The following ASB4 variants were observed in gnomAD, a reference collection of about 807,000 sequenced individuals.
ASB4 encodes the protein ankyrin repeat and SOCS box protein 4.
Under a neutral mutation model 38.6 loss-of-function variants are expected in ASB4, and 35 were observed. The ratio of observed to expected loss-of-function variants is 0.91; its 90% CI spans 0.69 to 1.20. The LOEUF is 1.20. ASB4 is among the 50% of genes most tolerant of loss of function. The pLI, the probability that ASB4 is intolerant of heterozygous loss-of-function variation, is 0.00. For synonymous variants in ASB4, 195 were observed against 201.3 expected (o/e 0.97, Z 0.26); for missense variants, 557 against 527.2 (o/e 1.06, Z -0.55).
intron 2 of ASB4, among the ~76,000 whole-genome samples, chr7:95,513,293 ATGT>A (rs1790510730): frequency 1.1e-5 from 1 of 89,190 alleles, no homozygotes; most frequent in Non-Finnish European, 2.1e-5. Flanking sequence ...AGCCAATAGA[ATGT>A]GTGTGTGTGT....
chr7:95,487,676 T>C (rs1790111573), intron 1 of ASB4, among the ~76,000 whole-genome samples: 1 of 152,202 alleles, frequency 6.6e-6, no homozygotes. Flanking sequence ...AAATACATTT[T>C]AAATTCTTCT....
intron 1 of ASB4, among the ~76,000 whole-genome samples, chr7:95,489,629 A>G (rs1790141917): frequency 6.6e-6 from 1 of 152,240 alleles, no homozygotes. Context: ...TGGCGGAGAT[A>G]ATGGGTCTTA....
chr7:95,535,563 G>A (rs1440958686), intron 3 of ASB4, among the ~76,000 whole-genome samples: 2 of 152,190 alleles, frequency 1.3e-5, no homozygotes, highest in Non-Finnish European at 2.9e-5. Flanking sequence ...AGTCAGGAAT[G>A]CCTTTTACTG....
At chr7:95,505,713 TC>T (rs1458497879) in intron 2 of ASB4, among the ~76,000 whole-genome samples, 8 of 134,640 alleles carry the variant, frequency 5.9e-5, no homozygotes, top group African/African-American at 2.1e-4. Flanking sequence ...ACTTATTCAT[TC>T]CCTGTCCCTT....
intron 3 of ASB4, among the ~76,000 whole-genome samples, chr7:95,531,129 G>A (rs1413464859): frequency 6.6e-6 from 1 of 152,206 alleles, no homozygotes; most frequent in African/African-American, 2.4e-5. Flanking sequence ...AAGCTCAGAG[G>A]ATGGTGCCAA....
At chr7:95,503,179 T>A (rs1790364483) in intron 2 of ASB4, among the ~76,000 whole-genome samples, 1 of 152,194 alleles carries the variant, frequency 6.6e-6, no homozygotes, top group Non-Finnish European at 1.5e-5. Context: ...TTATTTTAGA[T>A]CCTTGCTGCT....
At chr7:95,496,381 A>G (rs991856318) in intron 2 of ASB4, among the ~76,000 whole-genome samples, 28 of 152,218 alleles carry the variant, frequency 1.8e-4, no homozygotes, top group African/African-American at 6.8e-4. Context: ...AGTATATTCT[A>G]ATAAGGGAGA....
At chr7:95,535,590 G>T (rs1238196122) in intron 3 of ASB4, among the ~76,000 whole-genome samples, 1 of 152,178 alleles carries the variant, frequency 6.6e-6, no homozygotes, top group Non-Finnish European at 1.5e-5. Flanking sequence ...CCAAAAGTTG[G>T]TTAAGTGTAT....
intron 2 of ASB4, among the ~76,000 whole-genome samples, chr7:95,520,608 T>C (rs1210512928): frequency 1.3e-5 from 2 of 151,848 alleles, no homozygotes; most frequent in Non-Finnish European, 2.9e-5. Context: ...TTGCTTTTAA[T>C]TTATCTGAAA....
intron 1 of ASB4, 66 bp from the exon 2 acceptor site, chr7:95,495,692 C>T: frequency 1.4e-6 from 2 of 1,475,940 alleles, no homozygotes; most frequent in South Asian, 2.7e-5. Flanking sequence ...AAAATCCTCA[C>T]AAAACAGGGA....
At chr7:95,507,317 G>A (rs139417372) in intron 2 of ASB4, among the ~76,000 whole-genome samples, 2 of 151,780 alleles carry the variant, frequency 1.3e-5, no homozygotes, top group Non-Finnish European at 2.9e-5. Flanking sequence ...CAGGTGCTAA[G>A]TTAGGGGAAA....
At chr7:95,501,285 G>A (rs894816487) in intron 2 of ASB4, among the ~76,000 whole-genome samples, 4 of 152,140 alleles carry the variant, frequency 2.6e-5, no homozygotes, top group Non-Finnish European at 4.4e-5. Flanking sequence ...TGTAGCATGG[G>A]GGCAATGTAA....
chr7:95,515,179 TTC>T (rs1297471555), intron 2 of ASB4, among the ~76,000 whole-genome samples: 3 of 91,506 alleles, frequency 3.3e-5, no homozygotes, highest in African/African-American at 4.9e-5. Flanking sequence ...CTTTCTTTCT[TTC>T]TTTCTTTCTT....
At chr7:95,481,884 A>G (rs886718614), upstream of ASB4, among the ~76,000 whole-genome samples, 1 of 152,202 alleles carries the variant, frequency 6.6e-6, no homozygotes, top group Non-Finnish European at 1.5e-5. Context: ...ATCTTATAGA[A>G]TGGAGAGTTT....
chr7:95,503,314 G>A (rs1308921877), intron 2 of ASB4, among the ~76,000 whole-genome samples: 1 of 152,164 alleles, frequency 6.6e-6, no homozygotes. Flanking sequence ...GTGTTTTGCA[G>A]GTAGGTCTTC....
intron 2 of ASB4, among the ~76,000 whole-genome samples, chr7:95,517,692 A>G (rs1205677212): frequency 6.6e-6 from 1 of 152,100 alleles, no homozygotes; most frequent in Non-Finnish European, 1.5e-5. Context: ...AATGTAGATA[A>G]TCAATTACAG....
upstream of ASB4, among the ~76,000 whole-genome samples, chr7:95,476,262 G>A (rs146221689): frequency 9.2e-5 from 14 of 152,328 alleles, no homozygotes; most frequent in Admixed American, 2.0e-4. Context: ...GTGGTATGCA[G>A]CGGCAAGGCT....
At chr7:95,479,314 A>C (rs765722378) in intron 1 of ASB4, among the ~76,000 whole-genome samples, 3 of 152,228 alleles carry the variant, frequency 2.0e-5, no homozygotes, top group East Asian at 3.8e-4. Flanking sequence ...TGATATGAAC[A>C]ACAGTAATAA....
chr7:95,483,312 T>G (rs1254491060), upstream of ASB4, among the ~76,000 whole-genome samples: 2 of 152,170 alleles, frequency 1.3e-5, no homozygotes, highest in Non-Finnish European at 2.9e-5. Context: ...ATGACAAAAG[T>G]CTCTTCTAGT....
Sources: allele counts gnomAD v4.1 joint callset (sites outside exome capture counted in the v4.1 genomes callset), GRCh38; gene constraint gnomAD v4.1.1; transcripts MANE v1.5; gene names NCBI Gene and HGNC (gene_info 2026-07-23, HGNC 2026-07-21).